Variants in ZFP1 observed in about 807,000 individuals in gnomAD.
ZFP1 encodes the protein ZFP1 zinc finger protein.
In ZFP1, 32 loss-of-function variants were observed where a neutral mutation model predicts 38.5. The ratio of observed to expected loss-of-function variants is 0.83; its 90% CI spans 0.63 to 1.12. The LOEUF (loss-of-function observed/expected upper bound fraction) is 1.12, where lower values mean the gene tolerates loss of function less well. Ranked by LOEUF, ZFP1 falls within the 50% of genes most tolerant of loss-of-function variation. ZFP1 has a pLI of 0.00. For synonymous variants in ZFP1, 245 were observed against 168.8 expected, an observed-to-expected ratio of 1.45 and a Z score of -3.50; for missense variants, 616 against 480.8, an observed-to-expected ratio of 1.28 and a Z score of -2.63.
chr16:75,121,753 C>T, the ZFP1 span, among the ~76,000 whole-genome samples: 301 of 152,064 alleles, frequency 2.0e-3, 2 homozygotes, highest in African/African-American at 3.8e-3. Flanking sequence ...TAAAAGTGCT[C>T]GAATGAAATG....
the ZFP1 span, among the ~76,000 whole-genome samples, chr16:75,135,179 C>T: frequency 8.4e-6 from 1 of 119,180 alleles, no homozygotes; most frequent in Non-Finnish European, 1.6e-5. Flanking sequence ...CACTGCACTC[C>T]AGCCTGGGTG....
At chr16:75,157,899 G>C (rs1006377684) in intron 2 of ZFP1, among the ~76,000 whole-genome samples, 2 of 151,886 alleles carry the variant, frequency 1.3e-5, no homozygotes, top group African/African-American at 4.8e-5. Context: ...GAGTTCAAGT[G>C]ATCCTCCCAG....
chr16:75,149,273 C>T (rs1352616478), intron 1 of ZFP1: 1 of 152,182 alleles, frequency 6.6e-6, no homozygotes, highest in Non-Finnish European at 1.5e-5. Flanking sequence ...TTTATGTGAG[C>T]AGCAGATATT....
intron 2 of ZFP1, among the ~76,000 whole-genome samples, chr16:75,162,322 C>A (rs998160566): frequency 2.0e-5 from 3 of 151,762 alleles, no homozygotes; most frequent in African/African-American, 7.3e-5. Flanking sequence ...GGGGGTCTCG[C>A]CCTGTTGCCC....
the ZFP1 span, among the ~76,000 whole-genome samples, chr16:75,138,682 G>A: frequency 6.6e-6 from 1 of 152,230 alleles, no homozygotes; most frequent in East Asian, 1.9e-4. Flanking sequence ...AATGGACCCC[G>A]GAGGGGAGAA....
rs1313959414 is a variant in ZFP1 at position 75,170,741 on chromosome 16, A to G, written c.*407A>G. Reference sequence around the variant, plus strand: ...ATTTAGCATAATCACTGGGAATTTGAAATTCTTGTCCTCTGTGATAATTAG... The same window carrying G: ...ATTTAGCATAATCACTGGGAATTTGGAATTCTTGTCCTCTGTGATAATTAG... On this transcript the variant is annotated 3_prime_UTR_variant, in exon 4 of 4. Transcript: ENST00000570010. 6.2e-6 allele frequency: 1 copy of G among 161,010 alleles called. No individual in the cohort carries two copies. The highest frequency in any genetic ancestry group is 2.4e-5 in the African/African-American group (1 of 41,750). The allele number at this position is 161,010 out of a possible 1,614,324, so 10.0% of individuals were successfully genotyped here. A position where few individuals can be genotyped will look rare whatever the true frequency, so the allele number is the denominator to read the frequency against.
chr16:75,153,988 A>G (rs2037342439), intron 2 of ZFP1, among the ~76,000 whole-genome samples: 1 of 152,170 alleles, frequency 6.6e-6, no homozygotes, highest in Admixed American at 6.5e-5. Flanking sequence ...TCACTTAGAA[A>G]TATGCATTTA....
chr16:75,165,723 T>G (rs185702901), intron 2 of ZFP1, among the ~76,000 whole-genome samples: 2 of 152,282 alleles, frequency 1.3e-5, no homozygotes, highest in African/African-American at 4.8e-5. Context: ...TGAGTATTTT[T>G]TTTTTTTAAT....
chr16:75,135,424 A>G, the ZFP1 span, among the ~76,000 whole-genome samples: 1 of 152,200 alleles, frequency 6.6e-6, no homozygotes, highest in African/African-American at 2.4e-5. Flanking sequence ...GTATTATTCC[A>G]TCCACATGAC....
At chr16:75,129,178 TG>T in the ZFP1 span, among the ~76,000 whole-genome samples, 1 of 152,202 alleles carries the variant, frequency 6.6e-6, no homozygotes, top group Non-Finnish European at 1.5e-5. Flanking sequence ...TGTTTGTTGT[TG>T]TTCTCCTTTC....
the ZFP1 span, among the ~76,000 whole-genome samples, chr16:75,139,764 A>C: frequency 6.6e-6 from 1 of 152,290 alleles, no homozygotes. Context: ...ACCAGGAAGA[A>C]GAATGGTGGT....
chr16:75,163,266 T>A (rs1329123203), intron 2 of ZFP1, among the ~76,000 whole-genome samples: 1 of 152,070 alleles, frequency 6.6e-6, no homozygotes, highest in Non-Finnish European at 1.5e-5. Context: ...CTCTATCATA[T>A]GAGGATCTGC....
chr16:75,152,895 TTC>T lies in ZFP1; in HGVS notation c.-43-13_-43-12del. 14 of 1,609,320 alleles carry T rather than the reference TTC, an allele frequency of 8.7e-6. No individual in the cohort carries two copies. The highest frequency in any genetic ancestry group is 1.2e-5 in the Non-Finnish European group (14 of 1,178,118). Reference sequence around the variant, plus strand: ...ACCTTTAATAACAATGCCTTCCTTTTTCCTCTATTCCAGTTCTGCCTTCATAG... The same window carrying T: ...ACCTTTAATAACAATGCCTTCCTTTTCTCTATTCCAGTTCTGCCTTCATAG... On this transcript the variant is annotated splice_polypyrimidine_tract_variant and intron_variant, in intron 1 of 3. Transcript: ENST00000570010.
At chr16:75,152,422 C>T (rs1050199748) in intron 1 of ZFP1, among the ~76,000 whole-genome samples, 1 of 152,218 alleles carries the variant, frequency 6.6e-6, no homozygotes, top group Admixed American at 6.5e-5. Context: ...TTTGACCTAT[C>T]TTCAAGTTTA....
At chr16:75,142,339 C>G in the ZFP1 span, among the ~76,000 whole-genome samples, 1 of 151,358 alleles carries the variant, frequency 6.6e-6, no homozygotes, top group South Asian at 2.1e-4. Flanking sequence ...TGCACTCCAG[C>G]CTGGTGACAG....
In ZFP1 at chr16:75,171,923, T is replaced by C. The variant is rs907899118; in HGVS notation, c.*1589T>C. 2.6e-5 allele frequency: 4 copies of C among 152,142 alleles called. No individual in the cohort carries two copies. The highest frequency in any genetic ancestry group is 7.2e-5 in the African/African-American group (3 of 41,442). 9.4% of individuals were successfully genotyped at this position (152,142 alleles called of 1,614,324 possible). On this transcript the variant is annotated 3_prime_UTR_variant, in exon 4 of 4. Transcript: ENST00000570010. ...GTCTGTTTTAACATTAATATACTCT[T>C]ACAACCTAGGAATCTCCTGGGAATC...
the ZFP1 span, among the ~76,000 whole-genome samples, chr16:75,137,328 G>A: frequency 1.3e-5 from 2 of 151,990 alleles, no homozygotes; most frequent in African/African-American, 2.4e-5. Context: ...ATAAGTAACT[G>A]AGGCTGGGTG....
At chr16:75,138,282 AC>A in the ZFP1 span, among the ~76,000 whole-genome samples, 3 of 151,758 alleles carry the variant, frequency 2.0e-5, no homozygotes, top group Admixed American at 2.0e-4. Flanking sequence ...TGATCCACCC[AC>A]CTTGGCCTCC....
At chr16:75,158,927 CAG>C (rs1449212843) in intron 2 of ZFP1, among the ~76,000 whole-genome samples, 1 of 138,292 alleles carries the variant, frequency 7.2e-6, no homozygotes, top group African/African-American at 2.7e-5. Flanking sequence ...TTTTTTGAGA[CAG>C]AGTCTTGCCC....
Sources: allele counts gnomAD v4.1 joint callset (sites outside exome capture counted in the v4.1 genomes callset), GRCh38; gene constraint gnomAD v4.1.1; transcripts MANE v1.5; gene names NCBI Gene and HGNC (gene_info 2026-07-23, HGNC 2026-07-21).